The following CELF4 variants were observed in gnomAD, a reference collection of about 807,000 sequenced individuals.
CELF4 encodes CUGBP Elav-like family member 4, also known as CUG-BP- and ETR-3-like factor 4.
CELF4 carries 18 observed loss-of-function variants against 59.9 expected under a neutral mutation model. That is an observed-to-expected ratio of 0.30 (90% CI 0.21 to 0.45). CELF4 has a LOEUF of 0.45. Among genes scored for constraint, CELF4 ranks in the 20% least tolerant of loss-of-function variants. The probability of loss-of-function intolerance (pLI) is 1.00; values close to 1 mark genes in which losing one functional copy is unlikely to be tolerated. For synonymous variants in CELF4, 261 were observed against 267.1 expected, an observed-to-expected ratio of 0.98 and a Z score of 0.22; for missense variants, 456 against 689.0, an observed-to-expected ratio of 0.66 and a Z score of 3.79.
At chr18:37,414,196 ATC>A (rs2099503019) in intron 2 of CELF4, among the ~76,000 whole-genome samples, 3 of 6,282 alleles carry the variant, frequency 4.8e-4, no homozygotes, top group African/African-American at 1.2e-3. Flanking sequence ...TCATTCATCT[ATC>A]TATCTATCTA....
At chr18:37,368,379 C>T (rs1455812028) in intron 2 of CELF4, among the ~76,000 whole-genome samples, 1 of 152,118 alleles carries the variant, frequency 6.6e-6, no homozygotes, top group Non-Finnish European at 1.5e-5. Flanking sequence ...GCCTGTCAGC[C>T]CTCCGCCTTG....
intron 2 of CELF4, among the ~76,000 whole-genome samples, chr18:37,423,057 C>T (rs77258419): frequency 2.0e-3 from 202 of 102,960 alleles, no homozygotes; most frequent in African/African-American, 5.1e-3. Flanking sequence ...GACACATGCG[C>T]GCGCGCGCAC....
At chr18:37,259,580 C>T (rs1271780520) in intron 10 of CELF4, among the ~76,000 whole-genome samples, 2 of 152,162 alleles carry the variant, frequency 1.3e-5, no homozygotes, top group Admixed American at 6.5e-5. Flanking sequence ...CGACCTACTG[C>T]TGTGTCTCTG....
In CELF4 at chr18:37,253,712, GT is replaced by G; in HGVS notation, c.*44+54del. 7.3e-7 allele frequency: 1 copy of G among 1,364,904 alleles called. No homozygotes were observed. The highest frequency in any genetic ancestry group is 2.8e-4 in the Middle Eastern group (1 of 3,616). The allele number at this position is 1,364,904 out of a possible 1,614,324, so 84.5% of individuals were successfully genotyped here. A position where few individuals can be genotyped will look rare whatever the true frequency, so the allele number is the denominator to read the frequency against. On this transcript the variant is annotated intron_variant, in intron 12 of 12. Coordinates refer to ENST00000420428, the MANE Select transcript of CELF4 (RefSeq NM_020180.4). This position sits in a 1 kb window ranked among gnomAD's most constrained non-coding sequence, Gnocchi z 4.5. The stretch of plus-strand genomic sequence containing the variant: ...CCACGGAGGCCGGAGGAGGCGGCGG[GT>G]CCGTCTGGTTCCCTCCCAACCCCCG...
intron 2 of CELF4, among the ~76,000 whole-genome samples, chr18:37,349,899 C>G (rs558172567): frequency 6.6e-6 from 1 of 152,252 alleles, no homozygotes; most frequent in East Asian, 1.9e-4. Context: ...AAAAGGGGAG[C>G]CGGCCAGAGT....
intron 1 of CELF4, among the ~76,000 whole-genome samples, chr18:37,542,005 G>C (rs2099978181): frequency 6.6e-6 from 1 of 152,062 alleles, no homozygotes; most frequent in African/African-American, 2.4e-5. Flanking sequence ...TCTGTGCCAT[G>C]GTCATCGTTG....
At chr18:37,382,791 T>C (rs2099055020) in intron 2 of CELF4, among the ~76,000 whole-genome samples, 1 of 152,116 alleles carries the variant, frequency 6.6e-6, no homozygotes, top group Non-Finnish European at 1.5e-5. Context: ...ACTTTGCTCA[T>C]AGAAAGCCCA....
At chr18:37,316,212 G>C (rs2096865002) in intron 3 of CELF4, among the ~76,000 whole-genome samples, 1 of 152,148 alleles carries the variant, frequency 6.6e-6, no homozygotes, top group Admixed American at 6.5e-5. Flanking sequence ...CATCACCTCT[G>C]AGGGGGCCAG....
At chr18:37,349,763 A>C (rs1431215577) in intron 2 of CELF4, among the ~76,000 whole-genome samples, 2 of 152,178 alleles carry the variant, frequency 1.3e-5, no homozygotes, top group East Asian at 3.9e-4. Context: ...TGATTCCTGA[A>C]GGACAAACAG....
intron 1 of CELF4, among the ~76,000 whole-genome samples, chr18:37,489,864 G>A (rs2154603398): frequency 1.3e-5 from 2 of 152,282 alleles, no homozygotes; most frequent in Admixed American, 1.3e-4. Flanking sequence ...TCCTGGGGAT[G>A]TGGCCAGTGG....
chr18:37,316,397 C>A (rs2096871317), intron 3 of CELF4, among the ~76,000 whole-genome samples: 1 of 152,158 alleles, frequency 6.6e-6, no homozygotes, highest in Non-Finnish European at 1.5e-5. Context: ...ACAGATGACT[C>A]CTGGGGAGGC....
intron 1 of CELF4, among the ~76,000 whole-genome samples, chr18:37,549,013 G>A (rs968081853): frequency 1.3e-5 from 2 of 152,186 alleles, no homozygotes; most frequent in African/African-American, 4.8e-5. Context: ...CAGATGCGTG[G>A]AAACAGCCCT....
At chr18:37,261,719 C>T (rs1360236375) in intron 10 of CELF4, among the ~76,000 whole-genome samples, 1 of 152,214 alleles carries the variant, frequency 6.6e-6, no homozygotes, top group East Asian at 1.9e-4. Context: ...ACCTTGCAGC[C>T]CTGGCAGAGC....
chr18:37,506,648 C>T (rs1389785902), intron 1 of CELF4, among the ~76,000 whole-genome samples: 2 of 152,222 alleles, frequency 1.3e-5, no homozygotes, highest in Non-Finnish European at 2.9e-5. Context: ...GCCCCCACAT[C>T]CAGCAGGCCT....
At chr18:37,333,317 C>T (rs1348539283) in intron 2 of CELF4, among the ~76,000 whole-genome samples, 1 of 151,782 alleles carries the variant, frequency 6.6e-6, no homozygotes, top group Non-Finnish European at 1.5e-5. Context: ...GCTACCCTCT[C>T]CCTCCTCCCC....
At chr18:37,437,351 T>C (rs1222959804) in intron 2 of CELF4, among the ~76,000 whole-genome samples, 1 of 152,234 alleles carries the variant, frequency 6.6e-6, no homozygotes, top group Non-Finnish European at 1.5e-5. Context: ...AAGGTCCTAG[T>C]GTCAGGGGCC....
At chr18:37,483,975 G>T (rs562292610) in intron 2 of CELF4, among the ~76,000 whole-genome samples, 6 of 152,124 alleles carry the variant, frequency 3.9e-5, no homozygotes, top group Non-Finnish European at 7.3e-5. Context: ...ATCCACACTT[G>T]CTACTGAAAT....
At chr18:37,482,928 C>T (rs1447740823) in intron 2 of CELF4, among the ~76,000 whole-genome samples, 1 of 152,146 alleles carries the variant, frequency 6.6e-6, no homozygotes, top group South Asian at 2.1e-4. Context: ...GGAAAAGTGC[C>T]TAAATTGCTG....
In CELF4 at chr18:37,370,968, C is replaced by T. The variant is rs1243335722; in HGVS notation, c.370-49087G>A. ...AAGCAGTCTCAAGTGCAATTCCATC[C>T]GGGGCAGCCAAATGCTGCTGGAGCC... On this transcript the variant is annotated intron_variant, in intron 2 of 12. Transcript: ENST00000420428. Among the ~76,000 whole-genome samples the T allele has an allele frequency of 3.9e-5, 6 of 152,178 alleles. 1 individual carries two copies. In the South Asian group the frequency reaches 6.2e-4, roughly 16 times the overall value.
Sources: allele counts gnomAD v4.1 joint callset (sites outside exome capture counted in the v4.1 genomes callset), GRCh38; gene constraint gnomAD v4.1.1; non-coding constraint Gnocchi (gnomAD v3.1); transcripts MANE v1.5; gene names NCBI Gene and HGNC (gene_info 2026-07-23, HGNC 2026-07-21).